CSMD3: variants seen among roughly 807,000 people sequenced by gnomAD.
The protein encoded by CSMD3 is CUB and sushi domain-containing protein 3.
A neutral mutation model predicts 435.2 loss-of-function variants in CSMD3; 177 were observed. The ratio of observed to expected loss-of-function variants is 0.41; its 90% CI spans 0.36 to 0.46. The LOEUF is 0.46. CSMD3 is among the 20% of genes least tolerant of loss of function. The probability of loss-of-function intolerance (pLI) is 0.34; values close to 1 mark genes in which losing one functional copy is unlikely to be tolerated. For synonymous variants in CSMD3, 1,656 were observed against 1,520.5 expected, an observed-to-expected ratio of 1.09 and a Z score of -2.07; for missense variants, 4,265 against 4,504.6, an observed-to-expected ratio of 0.95 and a Z score of 1.52.
chr8:113,325,873 G>T (rs978331228), intron 1 of CSMD3, among the ~76,000 whole-genome samples: 1 of 152,158 alleles, frequency 6.6e-6, no homozygotes. Flanking sequence ...TGAGGTGTCT[G>T]TCCATCAGGG....
At chr8:112,567,913 G>A (rs1424646793) in intron 24 of CSMD3, among the ~76,000 whole-genome samples, 1 of 152,160 alleles carries the variant, frequency 6.6e-6, no homozygotes, top group Non-Finnish European at 1.5e-5. Context: ...AAATTAACAA[G>A]TAACTTGTGT....
intron 38 of CSMD3, among the ~76,000 whole-genome samples, chr8:112,370,032 A>G (rs113155205): frequency 0.024 from 846 of 35,082 alleles, 9 homozygotes; most frequent in Non-Finnish European, 0.065. Flanking sequence ...AGGAAGAAGA[A>G]GAAGAAGAAG....
chr8:112,405,250 T>TATATATATATAC (rs1831740735), intron 35 of CSMD3, among the ~76,000 whole-genome samples: 1 of 109,934 alleles, frequency 9.1e-6, no homozygotes, highest in African/African-American at 3.6e-5. Context: ...TATATATACA[T>TATATATATATAC]ATATATATAC....
intron 1 of CSMD3, among the ~76,000 whole-genome samples, chr8:113,405,669 A>G (rs1210652937): frequency 6.6e-6 from 1 of 151,702 alleles, no homozygotes; most frequent in Non-Finnish European, 1.5e-5. Flanking sequence ...ACCTGTGTGT[A>G]TGATCAATAT....
At chr8:112,449,800 G>C (rs1032518616) in intron 32 of CSMD3, among the ~76,000 whole-genome samples, 20 of 152,106 alleles carry the variant, frequency 1.3e-4, no homozygotes, top group African/African-American at 4.6e-4. Flanking sequence ...TCGGCTCACT[G>C]CATCCTCCGC....
intron 7 of CSMD3, 131 bp from the exon 8 acceptor site, chr8:112,954,892 CAGA>C: frequency 1.6e-6 from 1 of 634,878 alleles, no homozygotes; most frequent in Non-Finnish European, 2.8e-6. Flanking sequence ...ATATAGTACC[CAGA>C]AGAATTTTTT....
At chr8:112,639,259 C>A (rs2074749902) in intron 20 of CSMD3, among the ~76,000 whole-genome samples, 1 of 152,018 alleles carries the variant, frequency 6.6e-6, no homozygotes, top group Non-Finnish European at 1.5e-5. Flanking sequence ...ACTGCACATG[C>A]CTCCATTTTC....
rs1288381888 is a variant in CSMD3 at position 112,743,541 on chromosome 8, G to T, written c.1973-53491C>A. ...ATGGATATTTCCTTGTGATTCTTGT[G>T]ATTATGTATATGTATACAAAAACTT... is the stretch of plus-strand genomic sequence containing the variant. On this transcript the variant is annotated intron_variant, in intron 13 of 70. Transcript: ENST00000297405. Among the ~76,000 whole-genome samples the T allele has an allele frequency of 2.6e-5, 4 of 151,878 alleles. No homozygotes were observed. The East Asian group carries it at 5.8e-4, about 22-fold the overall frequency.
At chr8:113,269,218 A>C (rs2093498025) in intron 3 of CSMD3, among the ~76,000 whole-genome samples, 1 of 152,142 alleles carries the variant, frequency 6.6e-6, no homozygotes, top group South Asian at 2.1e-4. Context: ...ATTTGCTTCA[A>C]AGAGAATAAA....
At chr8:113,336,166 A>G (rs1442435857) in intron 1 of CSMD3, among the ~76,000 whole-genome samples, 2 of 151,646 alleles carry the variant, frequency 1.3e-5, no homozygotes, top group African/African-American at 4.8e-5. Context: ...TTCAGTTCTT[A>G]GATTATTTTC....
intron 61 of CSMD3, chr8:112,255,710 C>T (rs1815723601): frequency 2.2e-5 from 9 of 400,224 alleles, no homozygotes; most frequent in South Asian, 1.6e-4. Context: ...TTTGTATTGA[C>T]CAAAATCAAA....
At chr8:112,935,272 A>G (rs1333737933) in intron 9 of CSMD3, among the ~76,000 whole-genome samples, 1 of 152,108 alleles carries the variant, frequency 6.6e-6, no homozygotes, top group African/African-American at 2.4e-5. Flanking sequence ...TTTAATGCCA[A>G]TACTATGCTG....
chr8:112,379,083 A>G (rs901624045), intron 38 of CSMD3, among the ~76,000 whole-genome samples: 10 of 152,222 alleles, frequency 6.6e-5, no homozygotes, highest in Non-Finnish European at 1.2e-4. Flanking sequence ...AAAGGAAATT[A>G]AGGAAATAAT....
intron 13 of CSMD3, among the ~76,000 whole-genome samples, chr8:112,711,761 G>A (rs188753670): frequency 2.0e-5 from 3 of 152,160 alleles, no homozygotes; most frequent in African/African-American, 7.2e-5. Context: ...ATGTGTTTAT[G>A]TATTTTTTTA....
rs575914426 is a variant in CSMD3, at chr8:112,493,006, A to G, written c.5084-323T>C. 7.2e-4 allele frequency among the ~76,000 whole-genome samples: 109 copies of G among 152,272 alleles called. 1 individual carries two copies. The highest frequency in any genetic ancestry group is 2.5e-3 in the African/African-American group (104 of 41,558). On this transcript the variant is annotated intron_variant, in intron 30 of 70. Transcript: ENST00000297405. Reference sequence around the variant, plus strand: ...AAGGTTTGGAACCAGTTACCCAGGGATACCAAGGGACAGCTGACTGTTTTT... The same window carrying G: ...AAGGTTTGGAACCAGTTACCCAGGGGTACCAAGGGACAGCTGACTGTTTTT...
intron 3 of CSMD3, among the ~76,000 whole-genome samples, chr8:113,226,883 T>C (rs2093034901): frequency 2.0e-5 from 3 of 151,630 alleles, no homozygotes. Flanking sequence ...AAATTTGATA[T>C]GTTTTGAAAC....
At chr8:112,870,853 T>A (rs2446469) in intron 10 of CSMD3, among the ~76,000 whole-genome samples, 1 of 151,950 alleles carries the variant, frequency 6.6e-6, no homozygotes, top group African/African-American at 2.4e-5. Context: ...AGCAGATAAA[T>A]CTGGTTTTAC....
At chr8:113,308,408 A>G (rs916024337) in intron 2 of CSMD3, among the ~76,000 whole-genome samples, 1 of 151,602 alleles carries the variant, frequency 6.6e-6, no homozygotes, top group Non-Finnish European at 1.5e-5. Context: ...AGCTGGGACT[A>G]CAGGCGCCCA....
chr8:112,238,559 T>G (rs1026620170), intron 66 of CSMD3, among the ~76,000 whole-genome samples: 4 of 152,034 alleles, frequency 2.6e-5, no homozygotes, highest in Non-Finnish European at 5.9e-5. Flanking sequence ...CTTATCACTT[T>G]GGAGTAATGT....
Sources: gnomAD v4.1 joint callset for allele counts (sites outside exome capture counted in the v4.1 genomes callset) on GRCh38, gnomAD v4.1.1 for gene constraint, MANE v1.5 for transcripts, NCBI Gene and HGNC (gene_info 2026-07-23, HGNC 2026-07-21) for gene names.